MRPL42: variants seen among roughly 807,000 people sequenced by gnomAD.
The protein encoded by MRPL42 is large ribosomal subunit protein mL42.
MRPL42 carries 17 observed loss-of-function variants against 17.9 expected under a neutral mutation model. The ratio of observed to expected loss-of-function variants is 0.95; its 90% CI spans 0.65 to 1.42. The LOEUF is 1.42. MRPL42 is among the 40% of genes most tolerant of loss of function. The pLI is 0.00. For synonymous variants in MRPL42, 59 were observed against 54.4 expected (o/e 1.08, Z -0.37); for missense variants, 177 against 175.2 (o/e 1.01, Z -0.06).
chr12:93,486,372 T>C (rs1388837820), intron 4 of MRPL42, among the ~76,000 whole-genome samples: 1 of 152,198 alleles, frequency 6.6e-6, no homozygotes, highest in Non-Finnish European at 1.5e-5. Flanking sequence ...TTTGAGACAG[T>C]CTTGCTCTTT....
rs1343752758 is a variant in MRPL42, at chr12:93,501,931, A to G, written c.*710A>G. ...TTTTACTATCTGCTAGGCCCCTTCC[A>G]TCAATTCTTATTAAATTCTCAAAAT... On this transcript the variant is annotated 3_prime_UTR_variant, in exon 6 of 6. Transcript: ENST00000549982. 6.6e-6 allele frequency: 1 copy of G among 152,184 alleles called. No individual in the cohort carries two copies. The highest frequency in any genetic ancestry group is 2.4e-5 in the African/African-American group (1 of 41,442). The allele number at this position is 152,184 out of a possible 1,614,324, so 9.4% of individuals were successfully genotyped here. A position where few individuals can be genotyped will look rare whatever the true frequency, so the allele number is the denominator to read the frequency against.
At chr12:93,492,821 G>A (rs1405196441) in intron 5 of MRPL42, among the ~76,000 whole-genome samples, 5 of 151,754 alleles carry the variant, frequency 3.3e-5, no homozygotes, top group Non-Finnish European at 7.4e-5. Context: ...GAATTTTAAT[G>A]TGCACTACAA....
chr12:93,492,206 C>G (rs1187013234), intron 5 of MRPL42, among the ~76,000 whole-genome samples: 1 of 152,196 alleles, frequency 6.6e-6, no homozygotes, highest in East Asian at 1.9e-4. Context: ...TTGCTTTCCA[C>G]AGTGGCTGAA....
chr12:93,509,792 GT>G lies in MRPL42; in HGVS notation c.*8576del, dbSNP rs1375230824. 1 of 151,352 alleles carries G rather than the reference GT, an allele frequency of 6.6e-6. No homozygotes were observed. The highest frequency in any genetic ancestry group is 1.9e-4 in the East Asian group (1 of 5,186). The allele number at this position is 151,352 out of a possible 1,614,324, so 9.4% of individuals were successfully genotyped here. On this transcript the variant is annotated 3_prime_UTR_variant, in exon 6 of 6. Transcript: ENST00000549982. ...CTCCTGAAAAAAAAAAAAAACTTTA[GT>G]TTTTAAAAGTAGTTTTAGGTTCTGA...
rs1953749112 is a variant in MRPL42 at position 93,513,736 on chromosome 12, T to C, written c.*12515T>C. 1.3e-5 allele frequency: 2 copies of C among 152,212 alleles called. No individual in the cohort carries two copies. Among genetic ancestry groups the C allele is most frequent in the African/African-American group, 4.8e-5 (2 of 41,448 alleles). The allele number at this position is 152,212 out of a possible 1,614,324, so 9.4% of individuals were successfully genotyped here. A position where few individuals can be genotyped will look rare whatever the true frequency, so the allele number is the denominator to read the frequency against. On this transcript the variant is annotated 3_prime_UTR_variant, in exon 6 of 6. Coordinates refer to ENST00000549982, the MANE Select transcript of MRPL42 (RefSeq NM_014050.4). ...TTTAATTTTATATCCATTAACATAA[T>C]TAAAAATTGGGGCTTTTAAAAAATG...
Position 93,507,213 on chromosome 12 carries a change from C to T in MRPL42, c.*5992C>T, listed in dbSNP as rs1203333445. 6.6e-6 allele frequency: 1 copy of T among 152,186 alleles called. No individual in the cohort carries two copies. The highest frequency in any genetic ancestry group is 1.9e-4 in the East Asian group (1 of 5,192). 9.4% of individuals were successfully genotyped at this position (152,186 alleles called of 1,614,324 possible). ...ACAAGTTGTTGTGCACTGACTCCAT[C>T]ATTCCACTGGATGTGCCCCTGAAAT... On this transcript the variant is annotated 3_prime_UTR_variant, in exon 6 of 6. Coordinates refer to ENST00000549982, the MANE Select transcript of MRPL42 (RefSeq NM_014050.4).
rs78351586 is a variant in MRPL42 at position 93,514,864 on chromosome 12, A to C, written c.*13643A>C. 1 of 151,604 alleles carries C rather than the reference A, an allele frequency of 6.6e-6. No individual in the cohort carries two copies. Among genetic ancestry groups the C allele is most frequent in the African/African-American group, 2.4e-5 (1 of 41,272 alleles). The allele number at this position is 151,604 out of a possible 1,614,324, so 9.4% of individuals were successfully genotyped here. A position where few individuals can be genotyped will look rare whatever the true frequency, so the allele number is the denominator to read the frequency against. ...TACCCAGGACAACATATTTTTTTTT[A>C]CTGTGGACAGTATACTTTTACGAAT... On this transcript the variant is annotated 3_prime_UTR_variant, in exon 6 of 6. Coordinates refer to ENST00000549982, the MANE Select transcript of MRPL42 (RefSeq NM_014050.4).
chr12:93,489,344 A>G (rs1953367772), intron 5 of MRPL42, among the ~76,000 whole-genome samples: 1 of 152,150 alleles, frequency 6.6e-6, no homozygotes, highest in Non-Finnish European at 1.5e-5. Context: ...TTAATTTATT[A>G]TAACAAAACA....
intron 2 of MRPL42, among the ~76,000 whole-genome samples, chr12:93,473,585 C>G (rs1880009735): frequency 1.3e-5 from 2 of 152,192 alleles, no homozygotes; most frequent in African/African-American, 2.4e-5. Context: ...GCATGTACCA[C>G]CATGCCCGGC....
At chr12:93,472,026 A>G (rs1169427604) in intron 2 of MRPL42, among the ~76,000 whole-genome samples, 3 of 152,182 alleles carry the variant, frequency 2.0e-5, no homozygotes, top group African/African-American at 4.8e-5. Context: ...AATTATTTAT[A>G]TATCTTTTTC....
chr12:93,492,588 G>GCCA (rs1953435419), intron 5 of MRPL42, among the ~76,000 whole-genome samples: 1 of 152,098 alleles, frequency 6.6e-6, no homozygotes, highest in Non-Finnish European at 1.5e-5. Flanking sequence ...GTTTTTCTGG[G>GCCA]CAGTGGATTC....
At chr12:93,483,665 C>T (rs1348147855) in intron 4 of MRPL42, among the ~76,000 whole-genome samples, 1 of 152,180 alleles carries the variant, frequency 6.6e-6, no homozygotes, top group Non-Finnish European at 1.5e-5. Flanking sequence ...TAGTACATTA[C>T]TGTACACTGC....
intron 4 of MRPL42, among the ~76,000 whole-genome samples, chr12:93,483,203 G>A (rs1231778591): frequency 1.3e-5 from 2 of 152,082 alleles, no homozygotes; most frequent in Admixed American, 6.6e-5. Flanking sequence ...GCCCCATTCT[G>A]GTTTTTGTGA....
intron 4 of MRPL42, among the ~76,000 whole-genome samples, chr12:93,482,043 C>T (rs1880491393): frequency 6.6e-6 from 1 of 152,180 alleles, no homozygotes; most frequent in South Asian, 2.1e-4. Flanking sequence ...CAATATTCAT[C>T]TCTCTAGTTT....
chr12:93,467,752 G>C (rs1198555614), intron 1 of MRPL42, among the ~76,000 whole-genome samples, 198 bp downstream of exon 1: 1 of 152,230 alleles, frequency 6.6e-6, no homozygotes, highest in African/African-American at 2.4e-5. Context: ...TTTGTTCCCT[G>C]GCGGACGCCC....
At chr12:93,481,682 C>G (rs1306763141) in intron 4 of MRPL42, among the ~76,000 whole-genome samples, 1 of 152,160 alleles carries the variant, frequency 6.6e-6, no homozygotes, top group Non-Finnish European at 1.5e-5. Flanking sequence ...CTACCCACTT[C>G]CATGGGAGGA....
intron 2 of MRPL42, among the ~76,000 whole-genome samples, chr12:93,472,327 C>T (rs1879949613): frequency 6.6e-6 from 1 of 152,136 alleles, no homozygotes; most frequent in South Asian, 2.1e-4. Flanking sequence ...GGGTGGCTCA[C>T]ACCTGTAATA....
At chr12:93,488,717 C>T (rs1388627913) in intron 5 of MRPL42, among the ~76,000 whole-genome samples, 3 of 152,196 alleles carry the variant, frequency 2.0e-5, no homozygotes, top group African/African-American at 7.2e-5. Flanking sequence ...CAAATACTCA[C>T]ATTTTCCATC....
rs55890236 is a variant in MRPL42 at position 93,514,295 on chromosome 12, CTTTTTTTTTTTT to C, written c.*13083_*13094del. On this transcript the variant is annotated 3_prime_UTR_variant, in exon 6 of 6. Coordinates refer to ENST00000549982, the MANE Select transcript of MRPL42 (RefSeq NM_014050.4). Reference sequence around the variant, plus strand: ...CCCTCTGCTTTTTCTTTCTTTCTTTCTTTTTTTTTTTTTTTTTTTTGAGATGGCGTCTCCTCT... The same window carrying C: ...CCCTCTGCTTTTTCTTTCTTTCTTTCTTTTTTTTGAGATGGCGTCTCCTCT... 6 of 120,852 alleles carry C rather than the reference CTTTTTTTTTTTT, an allele frequency of 5.0e-5. No individual in the cohort carries two copies. The highest frequency in any genetic ancestry group is 5.3e-4 in the South Asian group (2 of 3,756). 7.5% of individuals were successfully genotyped at this position (120,852 alleles called of 1,614,324 possible). A position where few individuals can be genotyped will look rare whatever the true frequency, so the allele number is the denominator to read the frequency against.
Sources: allele counts gnomAD v4.1 joint callset (sites outside exome capture counted in the v4.1 genomes callset), GRCh38; gene constraint gnomAD v4.1.1; transcripts MANE v1.5; gene names NCBI Gene and HGNC (gene_info 2026-07-23, HGNC 2026-07-21).